SLC1A3: variants seen among roughly 807,000 people sequenced by gnomAD.
SLC1A3 encodes solute carrier family 1 member 3, also known as excitatory amino acid transporter 1.
Under a neutral mutation model 48.1 loss-of-function variants are expected in SLC1A3, and 21 were observed. The ratio of observed to expected loss-of-function variants is 0.44; its 90% CI spans 0.31 to 0.63. SLC1A3 has a LOEUF of 0.63. SLC1A3 is among the 20% of genes least tolerant of loss of function. The probability of loss-of-function intolerance (pLI) is 0.08; values close to 1 mark genes in which losing one functional copy is unlikely to be tolerated. For missense variants in SLC1A3, 546 were observed against 689.0 expected, an observed-to-expected ratio of 0.79 and a Z score of 2.32; for synonymous variants, 239 against 251.4, an observed-to-expected ratio of 0.95 and a Z score of 0.47.
intron 5 of SLC1A3, among the ~76,000 whole-genome samples, chr5:36,675,673 A>C (rs1017206711): frequency 6.6e-6 from 1 of 152,212 alleles, no homozygotes; most frequent in African/African-American, 2.4e-5. Flanking sequence ...TAAGGACCCA[A>C]CGGAATAAAG....
At chr5:36,605,740 T>C (rs917530548), upstream of SLC1A3, among the ~76,000 whole-genome samples, 4 of 152,192 alleles carry the variant, frequency 2.6e-5, no homozygotes, top group African/African-American at 9.6e-5. Flanking sequence ...CTAATATCTA[T>C]TTTCACAATT....
chr5:36,633,323 G>T (rs775656252), intron 3 of SLC1A3, among the ~76,000 whole-genome samples: 4 of 152,072 alleles, frequency 2.6e-5, no homozygotes, highest in East Asian at 1.9e-4. Context: ...CTGGAAGTGG[G>T]GAGCACAACT....
At chr5:36,598,413 G>A (rs1738768315) in intron 1 of SLC1A3, among the ~76,000 whole-genome samples, 1 of 152,080 alleles carries the variant, frequency 6.6e-6, no homozygotes, top group African/African-American at 2.4e-5. Flanking sequence ...AAACTTCTGT[G>A]CAGAAACCAA....
intron 3 of SLC1A3, among the ~76,000 whole-genome samples, chr5:36,665,869 G>A (rs1014193286): frequency 1.6e-4 from 24 of 152,188 alleles, no homozygotes; most frequent in African/African-American, 5.8e-4. Context: ...ATGCAAAATT[G>A]TGACATAATC....
chr5:36,619,033 G>T (rs947421100), intron 2 of SLC1A3, among the ~76,000 whole-genome samples: 1 of 152,174 alleles, frequency 6.6e-6, no homozygotes, highest in Admixed American at 6.5e-5. Context: ...ACATAAGTCC[G>T]TGTCTCCACT....
Position 36,683,912 on chromosome 5 carries a change from G to A in SLC1A3, c.1338G>A (p.Ala446=), listed in dbSNP as rs375418926. 2.2e-5 allele frequency: 35 copies of A among 1,614,030 alleles called. No individual in the cohort carries two copies. The highest frequency in any genetic ancestry group is 1.5e-4 in the South Asian group (14 of 91,086). Residue 446 remains alanine (A), a synonymous_variant, in exon 9 of 10, where the codon GCG becomes GCA. Coordinates refer to ENST00000265113, the MANE Select transcript of SLC1A3 (RefSeq NM_004172.5). The stretch of plus-strand genomic sequence containing the variant: ...TTGGGGCAGCTGGAATTCCTCAGGC[G>A]GGCCTGGTCACTATGGTCATTGTGC... ...ASIGAAGIPQ[A]GLVTMVIVLT...
chr5:36,613,095 G>A (rs769855104), intron 2 of SLC1A3: 5 of 313,846 alleles, frequency 1.6e-5, no homozygotes, highest in Middle Eastern at 1.2e-3. Context: ...GGGGGTGCAC[G>A]AGGGTAAGTT....
chr5:36,653,292 G>C (rs185759761), intron 3 of SLC1A3, among the ~76,000 whole-genome samples: 1 of 152,142 alleles, frequency 6.6e-6, no homozygotes, highest in Admixed American at 6.5e-5. Flanking sequence ...GAGCGACACT[G>C]GTTTTCAAAA....
rs140380000 is a variant in SLC1A3, at chr5:36,677,985, G to A, written c.860+801G>A. ...ATTTGCTTTAATAAAGTTGACAGCA[G>A]GAGACAAAGGAAGAGACTATAAATG... On this transcript the variant is annotated intron_variant, in intron 6 of 9. Transcript: ENST00000265113. Among the ~76,000 whole-genome samples, 68 of 152,336 alleles carry A rather than the reference G, an allele frequency of 4.5e-4. No individual in the cohort carries two copies. The East Asian group carries it at 6.2e-3, about 14-fold the overall frequency.
At chr5:36,632,134 C>T (rs1017254282) in intron 3 of SLC1A3, among the ~76,000 whole-genome samples, 1 of 152,136 alleles carries the variant, frequency 6.6e-6, no homozygotes, top group Admixed American at 6.5e-5. Context: ...TGATGATAAA[C>T]GGAGAGGGAC....
upstream of SLC1A3, among the ~76,000 whole-genome samples, chr5:36,602,722 T>C (rs2731879): frequency 6.6e-6 from 1 of 152,032 alleles, no homozygotes; most frequent in Non-Finnish European, 1.5e-5. Flanking sequence ...GGGAATCTAT[T>C]TGGGGGGGTT....
chr5:36,685,008 C>T (rs183431129), intron 9 of SLC1A3, among the ~76,000 whole-genome samples: 2 of 152,342 alleles, frequency 1.3e-5, no homozygotes, highest in Admixed American at 1.3e-4. Flanking sequence ...CAGTTCTCCA[C>T]AGTCTTTGAT....
At position 36,676,573 on chromosome 5, in the gene SLC1A3, T is replaced by G. The variant is rs184512077; in HGVS notation, c.568-319T>G. Among the ~76,000 whole-genome samples, 21 of 152,320 alleles carry G rather than the reference T, an allele frequency of 1.4e-4. 1 individual carries two copies. The South Asian group carries it at 4.1e-3, about 30-fold the overall frequency. On this transcript the variant is annotated intron_variant, in intron 5 of 9. Transcript: ENST00000265113. ...GGTTTCAGAAGAAAGCAAAAGCACA[T>G]GCATGTGTTTAGTCCAGCATCTTTA...
intron 3 of SLC1A3, among the ~76,000 whole-genome samples, chr5:36,665,197 T>C (rs1186638394): frequency 2.0e-5 from 3 of 148,808 alleles, no homozygotes; most frequent in South Asian, 2.2e-4. Context: ...GTAATTCATA[T>C]AGTAACCCAA....
intron 2 of SLC1A3, among the ~76,000 whole-genome samples, chr5:36,614,900 G>A (rs907059010): frequency 7.2e-5 from 11 of 152,232 alleles, no homozygotes; most frequent in Non-Finnish European, 1.5e-5. Context: ...GTGTATCTCT[G>A]GATTCTATTT....
chr5:36,645,521 C>T (rs2111825788), intron 3 of SLC1A3, among the ~76,000 whole-genome samples: 1 of 151,888 alleles, frequency 6.6e-6, no homozygotes, highest in East Asian at 1.9e-4. Context: ...AGACAGGTTT[C>T]ACCATCTTGG....
At chr5:36,661,347 G>T (rs552098201) in intron 3 of SLC1A3, among the ~76,000 whole-genome samples, 8 of 152,238 alleles carry the variant, frequency 5.3e-5, no homozygotes, top group Admixed American at 4.6e-4. Flanking sequence ...GGGAGGCAGA[G>T]GTTGCAGTAA....
intron 3 of SLC1A3, chr5:36,649,218 C>T (rs553670195): frequency 6.6e-6 from 1 of 151,938 alleles, no homozygotes; most frequent in Non-Finnish European, 1.5e-5. Context: ...TTTGGTGGCC[C>T]ATGCTTGTAA....
chr5:36,609,318 T>C, intron 2 of SLC1A3: 1 of 883,952 alleles, frequency 1.1e-6, no homozygotes, highest in Non-Finnish European at 1.4e-6. Flanking sequence ...TTATTACTTA[T>C]GGGTGGCATT....
Sources: allele counts gnomAD v4.1 joint callset (sites outside exome capture counted in the v4.1 genomes callset), GRCh38; gene constraint gnomAD v4.1.1; transcripts MANE v1.5; gene names NCBI Gene and HGNC (gene_info 2026-07-23, HGNC 2026-07-21).